OR10G2: variants seen among roughly 807,000 people sequenced by gnomAD.
OR10G2 encodes olfactory receptor family 10 subfamily G member 2.
For synonymous variants in OR10G2, 147 were observed against 164.2 expected (o/e 0.90, Z 0.80); for missense variants, 396 against 387.6 (o/e 1.02, Z -0.18).
rs1214628232 is a variant in OR10G2, at chr14:21,633,900, A to G, written c.*10T>C. 6.3e-7 allele frequency: 1 copy of G among 1,576,190 alleles called. No homozygotes were observed. The highest frequency in any genetic ancestry group is 8.6e-7 in the Non-Finnish European group (1 of 1,159,430). On this transcript the variant is annotated 3_prime_UTR_variant, in exon 1 of 1. Transcript: ENST00000542433. The stretch of plus-strand genomic sequence containing the variant: ...GATGCAGATGTAGTTACTTATTTTC[A>G]TTCAGTCCTTCAACCTGCTGTTATC...
Position 21,634,593 on chromosome 14 carries a change from G to A in OR10G2, c.250C>T (p.Pro84Ser), listed in dbSNP as rs1878635769. The change falls in exon 1 of 1, where the codon CCT (proline) becomes TCT (serine). Residue 84 changes from proline (P) to serine (S), a missense_variant. Pro to Ser is a moderately conservative substitution (Grantham distance 74). Coordinates refer to ENST00000542433, the MANE Select transcript of OR10G2 (RefSeq NM_001005466.2). ...LDMWLSSVTVPLLILDFTPSI... is the reference protein window; with the variant it reads ...LDMWLSSVTVSLLILDFTPSI... ...GGAGTAAAATCCAAAATAAGCAGAG[G>A]AACGGTGACTGAGGAGAGCCACATG... is the stretch of plus-strand genomic sequence containing the variant. The A allele has an allele frequency of 3.1e-6, 5 of 1,614,108 alleles. No individual in the cohort carries two copies. In the East Asian group the frequency reaches 6.7e-5, roughly 22 times the overall value.
rs371354035 is a variant in OR10G2 at position 21,634,770 on chromosome 14, G to A, written c.73C>T (p.Pro25Ser). ...DFILLGLSHPPNLRSLLFLVF... is the reference protein window; with the variant it reads ...DFILLGLSHPSNLRSLLFLVF... The stretch of plus-strand genomic sequence containing the variant: ...AGGAAGAGGAGGCTTCTTAGATTTG[G>A]GGGGTGAGACAAACCCAGAAGAATG... The change falls in exon 1 of 1, where the codon CCA becomes TCA. Residue 25 changes from proline (P) to serine (S), a missense_variant. Transcript: ENST00000542433. The A allele has an allele frequency of 2.2e-5, 36 of 1,613,938 alleles. No individual in the cohort carries two copies. The African/African-American group carries it at 2.9e-4, about 13-fold the overall frequency.
rs749222444 is a variant in OR10G2 at position 21,634,620 on chromosome 14, C to A, written c.223G>T (p.Asp75Tyr). The change falls in exon 1 of 1, where the codon GAC becomes TAC. Residue 75 changes from aspartate to tyrosine, a missense_variant. Physicochemically the swap from Asp to Tyr is radical, Grantham distance 160. Transcript: ENST00000542433. ...YILLGVLSFL[D>Y]MWLSSVTVPL... ...ACGGTGACTGAGGAGAGCCACATGT[C>A]CAGGAATGAGAGCACTCCCAGAAGA... 1.9e-6 allele frequency: 3 copies of A among 1,614,116 alleles called. No individual in the cohort carries two copies. In the South Asian group the frequency reaches 3.3e-5, roughly 18 times the overall value.
Position 21,633,859 on chromosome 14 carries a change from G to T in OR10G2, c.*51C>A. On this transcript the variant is annotated 3_prime_UTR_variant, in exon 1 of 1. Coordinates refer to ENST00000542433, the MANE Select transcript of OR10G2 (RefSeq NM_001005466.2). The stretch of plus-strand genomic sequence containing the variant: ...TGTCACATGCAGCAGTAGCTGAAGA[G>T]AGTGGCAGTGATAATGATGCAGATG... 1.6e-6 allele frequency: 2 copies of T among 1,273,000 alleles called. No individual in the cohort carries two copies. The highest frequency in any genetic ancestry group is 2.2e-6 in the Non-Finnish European group (2 of 901,068). 78.9% of individuals were successfully genotyped at this position (1,273,000 alleles called of 1,614,324 possible). A position where few individuals can be genotyped will look rare whatever the true frequency, so the allele number is the denominator to read the frequency against.
chr14:21,634,017 C>T lies in OR10G2; in HGVS notation c.826G>A (p.Ala276Thr), dbSNP rs1231033777. ...ACAACAGTGTAAAACACAGCCGCTG[C>T]CCCATCCAGGGGGTCTTTGGAGCCA... ...RAGSKDPLDGAAAVFYTVVTP... is the reference protein window; with the variant it reads ...RAGSKDPLDGTAAVFYTVVTP... Residue 276 changes from alanine (A) to threonine (T), a missense_variant, in exon 1 of 1, where the codon GCA (alanine) becomes ACA (threonine). By Grantham distance (58) the Ala-to-Thr change is moderately conservative. Transcript: ENST00000542433. 6.2e-7 allele frequency: 1 copy of T among 1,614,156 alleles called. No individual in the cohort carries two copies. Among genetic ancestry groups the T allele is most frequent in the Non-Finnish European group, 8.5e-7 (1 of 1,180,028 alleles).
chr14:21,634,570 A>C lies in OR10G2; in HGVS notation c.273T>G (p.Thr91=). The change falls in exon 1 of 1, where the codon ACT becomes ACG. Residue 91 remains threonine, a synonymous_variant. Coordinates refer to ENST00000542433, the MANE Select transcript of OR10G2 (RefSeq NM_001005466.2). ...CAAACGGGATAGCCTTGATGGAAGG[A>C]GTAAAATCCAAAATAAGCAGAGGAA... ...VTVPLLILDF[T]PSIKAIPFGG... 3 of 1,614,146 alleles carry C rather than the reference A, an allele frequency of 1.9e-6. No individual in the cohort carries two copies. Among genetic ancestry groups the C allele is most frequent in the Non-Finnish European group, 2.5e-6 (3 of 1,180,008 alleles).
rs1170228846 is a variant in OR10G2, at chr14:21,634,736, A to C, written c.107T>G (p.Phe36Cys). ...NLRSLLFLVF[F>C]IIYILTQLGN... ...CAGCTGAGTGAGGATGTAAATGATG[A>C]AGAAGACCAGGAAGAGGAGGCTTCT... Residue 36 changes from phenylalanine to cysteine, a missense_variant, in exon 1 of 1, where the codon TTC becomes TGC. Phe to Cys is a radical substitution (Grantham distance 205). Coordinates refer to ENST00000542433, the MANE Select transcript of OR10G2 (RefSeq NM_001005466.2). The C allele has an allele frequency of 6.2e-7, 1 of 1,614,114 alleles. No individual in the cohort carries two copies. The highest frequency in any genetic ancestry group is 1.1e-5 in the South Asian group (1 of 91,068).
In OR10G2 at chr14:21,634,672, C is replaced by A; in HGVS notation, c.171G>T (p.Pro57=). Residue 57 remains proline (P), a synonymous_variant, in exon 1 of 1, where the codon CCG becomes CCT. Transcript: ENST00000542433. The part of the protein sequence containing the change: ...LLILLTMWAD[P]KLCARPMYIL... ...TGTACATGGGGCGAGCACAGAGCTTCGGGTCAGCCCACATGGTGAGCAGAA... is the reference window on the plus strand; with the variant it reads ...TGTACATGGGGCGAGCACAGAGCTTAGGGTCAGCCCACATGGTGAGCAGAA... The A allele has an allele frequency of 6.2e-7, 1 of 1,614,088 alleles. No individual in the cohort carries two copies. The highest frequency in any genetic ancestry group is 8.5e-7 in the Non-Finnish European group (1 of 1,180,026).
At position 21,634,672 on chromosome 14, in the gene OR10G2, C is replaced by T. The variant is rs755306662; in HGVS notation, c.171G>A (p.Pro57=). 1.1e-5 allele frequency: 18 copies of T among 1,613,970 alleles called. No homozygotes were observed. The highest frequency in any genetic ancestry group is 1.6e-4 in the Middle Eastern group (1 of 6,084). ...TGTACATGGGGCGAGCACAGAGCTT[C>T]GGGTCAGCCCACATGGTGAGCAGAA... ...LLILLTMWAD[P]KLCARPMYIL... Residue 57 remains proline (P), a synonymous_variant, in exon 1 of 1, where the codon CCG becomes CCA. Coordinates refer to ENST00000542433, the MANE Select transcript of OR10G2 (RefSeq NM_001005466.2).
In OR10G2 at chr14:21,634,050, G is replaced by T. The variant is rs780062493; in HGVS notation, c.793C>A (p.Leu265Ile). 7 of 1,614,164 alleles carry T rather than the reference G, an allele frequency of 4.3e-6. No homozygotes were observed. The highest frequency in any genetic ancestry group is 4.2e-6 in the Non-Finnish European group (5 of 1,180,014). The change falls in exon 1 of 1, where the codon CTT becomes ATT. Residue 265 changes from leucine (L) to isoleucine (I), a missense_variant. By Grantham distance (5) the Leu-to-Ile change is conservative (BLOSUM62 2). Coordinates refer to ENST00000542433, the MANE Select transcript of OR10G2 (RefSeq NM_001005466.2). ...VYYVPCIFIYLRAGSKDPLDG... is the reference protein window; with the variant it reads ...VYYVPCIFIYIRAGSKDPLDG... ...AGGGGGTCTTTGGAGCCAGCCCTAAGGTAGATGAAAATACAGGGGACATAG... is the reference window on the plus strand; with the variant it reads ...AGGGGGTCTTTGGAGCCAGCCCTAATGTAGATGAAAATACAGGGGACATAG...
Position 21,634,906 on chromosome 14 carries a change from T to C in OR10G2, c.-64A>G, listed in dbSNP as rs1878663671. ...ACAAGAGAAACACAGCACAATGATG[T>C]TGTAAGTGAATGCTTTTGTCGGATG... On this transcript the variant is annotated 5_prime_UTR_variant, in exon 1 of 1. Transcript: ENST00000542433. 1 of 1,274,490 alleles carries C rather than the reference T, an allele frequency of 7.8e-7. No homozygotes were observed. The highest frequency in any genetic ancestry group is 2.2e-5 in the Admixed American group (1 of 45,010). The allele number at this position is 1,274,490 out of a possible 1,614,324, so 78.9% of individuals were successfully genotyped here.
At position 21,634,603 on chromosome 14, in the gene OR10G2, T is replaced by C. The variant is rs1384995552; in HGVS notation, c.240A>G (p.Ser80=). The stretch of plus-strand genomic sequence containing the variant: ...CCAAAATAAGCAGAGGAACGGTGAC[T>C]GAGGAGAGCCACATGTCCAGGAATG... ...VLSFLDMWLS[S]VTVPLLILDF... is the part of the protein sequence containing the mutation. The change falls in exon 1 of 1, where the codon TCA becomes TCG. Residue 80 remains serine (S), a synonymous_variant. Transcript: ENST00000542433. 1.2e-6 allele frequency: 2 copies of C among 1,613,988 alleles called. No homozygotes were observed. The highest frequency in any genetic ancestry group is 8.5e-7 in the Non-Finnish European group (1 of 1,180,022).
chr14:21,634,668 G>C lies in OR10G2; in HGVS notation c.175C>G (p.Leu59Val). Residue 59 changes from leucine to valine, a missense_variant, in exon 1 of 1, where the codon CTC becomes GTC. Leu to Val is a conservative substitution (Grantham distance 32). Coordinates refer to ENST00000542433, the MANE Select transcript of OR10G2 (RefSeq NM_001005466.2). ...ILLTMWADPK[L>V]CARPMYILLG... ...AGAATGTACATGGGGCGAGCACAGA[G>C]CTTCGGGTCAGCCCACATGGTGAGC... The C allele has an allele frequency of 6.2e-7, 1 of 1,614,184 alleles. No homozygotes were observed. Among genetic ancestry groups the C allele is most frequent in the Non-Finnish European group, 8.5e-7 (1 of 1,180,024 alleles).
At position 21,634,354 on chromosome 14, in the gene OR10G2, G is replaced by C; in HGVS notation, c.489C>G (p.Ile163Met). ...GCAGGCGGAAGGTCAAGGTGGCCTG[G>C]ATAGACCCATGCATGGAGCCGGCGA... ...AWVAGSMHGS[I>M]QATLTFRLPY... Residue 163 changes from isoleucine to methionine, a missense_variant, in exon 1 of 1, where the codon ATC becomes ATG. Ile to Met is a conservative substitution (Grantham distance 10, BLOSUM62 1). Coordinates refer to ENST00000542433, the MANE Select transcript of OR10G2 (RefSeq NM_001005466.2). The C allele has an allele frequency of 3.7e-6, 6 of 1,614,218 alleles. No individual in the cohort carries two copies. In the South Asian group the frequency reaches 6.6e-5, roughly 18 times the overall value.
Position 21,634,562 on chromosome 14 carries a change from A to G in OR10G2, c.281T>C (p.Ile94Thr), listed in dbSNP as rs1377282773. The G allele has an allele frequency of 6.2e-7, 1 of 1,612,624 alleles. No homozygotes were observed. Among genetic ancestry groups the G allele is most frequent in the African/African-American group, 1.3e-5 (1 of 74,512 alleles). Residue 94 changes from isoleucine to threonine, a missense_variant, in exon 1 of 1, where the codon ATC (isoleucine) becomes ACC (threonine). Physicochemically the swap from Ile to Thr is moderately conservative, Grantham distance 89 (BLOSUM62 -1). Coordinates refer to ENST00000542433, the MANE Select transcript of OR10G2 (RefSeq NM_001005466.2). ...ACAGCCACCAAACGGGATAGCCTTG[A>G]TGGAAGGAGTAAAATCCAAAATAAG... ...PLLILDFTPS[I>T]KAIPFGGCVA...
In OR10G2 at chr14:21,633,890, A is replaced by T. The variant is rs1308038804; in HGVS notation, c.*20T>A. On this transcript the variant is annotated 3_prime_UTR_variant, in exon 1 of 1. Transcript: ENST00000542433. Reference sequence around the variant, plus strand: ...CAGTGATAATGATGCAGATGTAGTTACTTATTTTCATTCAGTCCTTCAACC... The same window carrying T: ...CAGTGATAATGATGCAGATGTAGTTTCTTATTTTCATTCAGTCCTTCAACC... The T allele has an allele frequency of 7.1e-6, 11 of 1,538,596 alleles. No individual in the cohort carries two copies. The highest frequency in any genetic ancestry group is 9.7e-6 in the Non-Finnish European group (11 of 1,129,946).
rs139911297 is a variant in OR10G2 at position 21,634,399 on chromosome 14, G to A, written c.444C>T (p.Val148=). The change falls in exon 1 of 1, where the codon GTC becomes GTT. Residue 148 remains valine (V), a synonymous_variant. Coordinates refer to ENST00000542433, the MANE Select transcript of OR10G2 (RefSeq NM_001005466.2). ...PVLMNGRLCT[V]LVAGAWVAGS... is the part of the protein sequence containing the mutation. ...CGGCGACCCAAGCTCCAGCCACAAG[G>A]ACTGTGCATAACCTCCCATTCATGA... 6.2e-6 allele frequency: 10 copies of A among 1,614,128 alleles called. No homozygotes were observed. Among genetic ancestry groups the A allele is most frequent in the Admixed American group, 1.7e-5 (1 of 59,998 alleles).
Position 21,633,920 on chromosome 14 carries a change from G to C in OR10G2, c.923C>G (p.Thr308Arg). The change falls in exon 1 of 1, where the codon ACA becomes AGA. Residue 308 changes from threonine (T) to arginine (R), a missense_variant. Physicochemically the swap from Thr to Arg is moderately conservative, Grantham distance 71 (BLOSUM62 -1). Transcript: ENST00000542433. ...TTTTCATTCAGTCCTTCAACCTGCT[G>C]TTATCCTCTTCAGGGCAGACTTCAC... The part of the protein sequence containing the change: ...QEVKSALKRI[T>R]AG The C allele has an allele frequency of 1.9e-6, 3 of 1,604,200 alleles. No homozygotes were observed. Among genetic ancestry groups the C allele is most frequent in the Non-Finnish European group, 2.6e-6 (3 of 1,175,758 alleles).
Position 21,634,525 on chromosome 14 carries a change from C to A in OR10G2, c.318G>T (p.Leu106=), listed in dbSNP as rs779032836. ...TGCTGCCCAGGAAGTGAAAGAAATA[C>A]AGTTGAGCCACACAGCCACCAAACG... ...AIPFGGCVAQ[L]YFFHFLGSTQ... The change falls in exon 1 of 1, where the codon CTG becomes CTT. Residue 106 remains leucine (L), a synonymous_variant. Coordinates refer to ENST00000542433, the MANE Select transcript of OR10G2 (RefSeq NM_001005466.2). The A allele has an allele frequency of 8.1e-5, 131 of 1,614,022 alleles. No homozygotes were observed. The highest frequency in any genetic ancestry group is 1.1e-4 in the Non-Finnish European group (129 of 1,180,032).
Sources: allele counts gnomAD v4.1 joint callset, GRCh38; gene constraint gnomAD v4.1.1; transcripts MANE v1.5; gene names NCBI Gene and HGNC (gene_info 2026-07-23, HGNC 2026-07-21).